The following MCC variants were observed in gnomAD, a reference collection of about 807,000 sequenced individuals.
MCC encodes the protein MCC regulator of Wnt signaling pathway.
A neutral mutation model predicts 116.2 loss-of-function variants in MCC; 90 were observed. The ratio of observed to expected loss-of-function variants is 0.77; its 90% CI spans 0.65 to 0.92. The LOEUF (loss-of-function observed/expected upper bound fraction) is 0.92. Among genes scored for constraint, MCC ranks in the 40% least tolerant of loss-of-function variants. The probability of loss-of-function intolerance (pLI) is 0.00; values close to 1 mark genes in which losing one functional copy is unlikely to be tolerated. For missense variants in MCC, 1,516 were observed against 1,312.2 expected (o/e 1.16, Z -2.40); for synonymous variants, 578 against 510.5 (o/e 1.13, Z -1.78).
chr5:113,353,185 A>G (rs1768324919), intron 2 of MCC, among the ~76,000 whole-genome samples: 1 of 152,066 alleles, frequency 6.6e-6, no homozygotes, highest in Admixed American at 6.6e-5. Context: ...GCTGCTCCTC[A>G]CATTCTTTGC....
chr5:113,310,959 T>C (rs988559336), intron 3 of MCC, among the ~76,000 whole-genome samples: 4 of 152,170 alleles, frequency 2.6e-5, no homozygotes, highest in Non-Finnish European at 5.9e-5. Flanking sequence ...AGAGATATAA[T>C]AGCAATTAAA....
At chr5:113,222,909 A>G (rs1191387917) in intron 3 of MCC, among the ~76,000 whole-genome samples, 1 of 152,180 alleles carries the variant, frequency 6.6e-6, no homozygotes, top group Admixed American at 6.5e-5. Context: ...TCCTGTGGGT[A>G]TGATACCTGA....
intron 3 of MCC, among the ~76,000 whole-genome samples, chr5:113,260,492 G>C (rs6594696): frequency 0.11 from 16,395 of 152,124 alleles, 1,394 homozygotes; most frequent in Admixed American, 0.25. Flanking sequence ...GTTGGAAAAT[G>C]AAGGGTGTCT....
intron 3 of MCC, among the ~76,000 whole-genome samples, chr5:113,225,096 C>T (rs1472129442): frequency 6.6e-6 from 1 of 152,178 alleles, no homozygotes; most frequent in African/African-American, 2.4e-5. Flanking sequence ...TCATCCAAAG[C>T]CTTATATACA....
At chr5:113,168,328 A>G (rs1760883405) in intron 3 of MCC, among the ~76,000 whole-genome samples, 2 of 152,210 alleles carry the variant, frequency 1.3e-5, no homozygotes, top group African/African-American at 4.8e-5. Context: ...TAAATGCCAG[A>G]TGTTAAGAGT....
chr5:113,457,296 G>A (rs1241191907), intron 1 of MCC, among the ~76,000 whole-genome samples: 1 of 152,250 alleles, frequency 6.6e-6, no homozygotes, highest in African/African-American at 2.4e-5. Flanking sequence ...CGGGCCAGCG[G>A]CTGCGGAGGG....
chr5:113,458,897 T>C lies in MCC; in HGVS notation c.170+29348A>G, dbSNP rs1255353956. ...TGACCAGAGGAATCTTCAACTCACC[T>C]AGAGCAAAGGTTCAGAAGATGAAAG... On this transcript the variant is annotated intron_variant, in intron 1 of 18. Coordinates refer to ENST00000408903, the MANE Select transcript of MCC (RefSeq NM_001085377.2). Among the ~76,000 whole-genome samples the C allele has an allele frequency of 2.0e-5, 3 of 152,314 alleles. No homozygotes were observed. In the East Asian group the frequency reaches 5.8e-4, roughly 29 times the overall value.
At chr5:113,373,800 A>G (rs536874686) in intron 2 of MCC, among the ~76,000 whole-genome samples, 7 of 152,366 alleles carry the variant, frequency 4.6e-5, no homozygotes, top group Non-Finnish European at 1.0e-4. Context: ...GATTTGCCAC[A>G]TAAAAGCTAC....
chr5:113,132,090 T>C (rs72803262), intron 5 of MCC, among the ~76,000 whole-genome samples: 1 of 151,986 alleles, frequency 6.6e-6, no homozygotes, highest in Admixed American at 6.6e-5. Flanking sequence ...AAGCGTTTTT[T>C]TAAATAACGA....
chr5:113,477,199 A>G (rs558325054), intron 1 of MCC, among the ~76,000 whole-genome samples: 27 of 152,316 alleles, frequency 1.8e-4, no homozygotes, highest in African/African-American at 6.5e-4. Context: ...AAAAGAAGAG[A>G]TATGTGGGCC....
intron 3 of MCC, among the ~76,000 whole-genome samples, chr5:113,315,975 T>G (rs768800884): frequency 6.6e-6 from 1 of 151,804 alleles, no homozygotes; most frequent in Admixed American, 6.6e-5. Flanking sequence ...GAGATACACG[T>G]TGGCCGGGCA....
At chr5:113,161,438 T>G (rs549148246) in intron 3 of MCC, among the ~76,000 whole-genome samples, 1 of 152,364 alleles carries the variant, frequency 6.6e-6, no homozygotes, top group African/African-American at 2.4e-5. Flanking sequence ...TTAGCAGGTA[T>G]TGAATTCCCC....
chr5:113,159,835 G>C (rs909979102), intron 3 of MCC, among the ~76,000 whole-genome samples: 6 of 152,132 alleles, frequency 3.9e-5, no homozygotes, highest in African/African-American at 1.4e-4. Context: ...AGTATTTCAA[G>C]AAATGCTGCT....
chr5:113,184,772 C>A lies in MCC; in HGVS notation c.628-33350G>T, dbSNP rs576960935. ...GAACATAGAACTTCTGGGTAAAATCCTTAGAGTCCACTGATGGAGGTATGT... is the reference window on the plus strand; with the variant it reads ...GAACATAGAACTTCTGGGTAAAATCATTAGAGTCCACTGATGGAGGTATGT... On this transcript the variant is annotated intron_variant, in intron 3 of 18. Coordinates refer to ENST00000408903, the MANE Select transcript of MCC (RefSeq NM_001085377.2). 1.3e-4 allele frequency among the ~76,000 whole-genome samples: 20 copies of A among 152,176 alleles called. 1 individual carries two copies. The highest frequency in any genetic ancestry group is 4.8e-4 in the African/African-American group (20 of 41,514).
intron 6 of MCC, among the ~76,000 whole-genome samples, chr5:113,111,117 A>T (rs531897365): frequency 6.6e-6 from 1 of 152,358 alleles, no homozygotes; most frequent in East Asian, 1.9e-4. Flanking sequence ...TCTAAGGAGA[A>T]CCAGAGCCTT....
In MCC at chr5:113,172,427, A is replaced by G. The variant is rs111466146; in HGVS notation, c.628-21005T>C. ...TTCTCACTGTACTTGGTCAGCCTCA[A>G]GTTGCTATTTCCTATAGCTTTACAG... On this transcript the variant is annotated intron_variant, in intron 3 of 18. Coordinates refer to ENST00000408903, the MANE Select transcript of MCC (RefSeq NM_001085377.2). Among the ~76,000 whole-genome samples, 796 of 152,342 alleles carry G rather than the reference A, an allele frequency of 5.2e-3. 10 individuals carry two copies. Among genetic ancestry groups the G allele is most frequent in the African/African-American group, 0.018 (743 of 41,580 alleles).
intron 1 of MCC, among the ~76,000 whole-genome samples, chr5:113,455,781 GT>G (rs1771525420): frequency 6.6e-6 from 1 of 152,240 alleles, no homozygotes; most frequent in Non-Finnish European, 1.5e-5. Context: ...ATAGACTCTG[GT>G]CAGTTCAAGT....
At chr5:113,320,257 T>TACACACAC (rs147315202) in intron 3 of MCC, among the ~76,000 whole-genome samples, 1 of 150,882 alleles carries the variant, frequency 6.6e-6, no homozygotes, top group Non-Finnish European at 1.5e-5. Flanking sequence ...TACTATGTAG[T>TACACACAC]ACACACACAC....
At chr5:113,065,840 G>A (rs773081588) in intron 13 of MCC, among the ~76,000 whole-genome samples, 39 of 152,196 alleles carry the variant, frequency 2.6e-4, no homozygotes, top group African/African-American at 8.0e-4. Context: ...TCCTGTCAGC[G>A]GAATGCAAGG....
Sources: gnomAD v4.1 joint callset for allele counts (sites outside exome capture counted in the v4.1 genomes callset) on GRCh38, gnomAD v4.1.1 for gene constraint, MANE v1.5 for transcripts, NCBI Gene and HGNC (gene_info 2026-07-23, HGNC 2026-07-21) for gene names.